DOCK8: variants seen among roughly 807,000 people sequenced by gnomAD.
The protein encoded by DOCK8 is dedicator of cytokinesis 8.
DOCK8 carries 141 observed loss-of-function variants against 245.6 expected under a neutral mutation model. The observed-to-expected ratio is 0.57, with a 90% CI of 0.50 to 0.66. The LOEUF is 0.66. Ranked by LOEUF, DOCK8 falls within the 30% of genes least tolerant of loss-of-function variation. The pLI, the probability that DOCK8 is intolerant of heterozygous loss-of-function variation, is 0.00. For synonymous variants in DOCK8, 1,168 were observed against 970.2 expected (o/e 1.20, Z -3.79); for missense variants, 2,965 against 2,603.4 (o/e 1.14, Z -3.02).
intron 2 of DOCK8, among the ~76,000 whole-genome samples, chr9:277,872 T>A (rs1265925794): frequency 1.3e-5 from 2 of 152,228 alleles, no homozygotes; most frequent in Non-Finnish European, 2.9e-5. Flanking sequence ...AGGCATTTAT[T>A]TTTGTTATGT....
At chr9:304,837 C>A in intron 5 of DOCK8, 133 bp downstream of exon 5, 1 of 1,260,346 alleles carries the variant, frequency 7.9e-7, no homozygotes, top group South Asian at 1.3e-5. Context: ...CCATCTGAGT[C>A]AGTGATTTTT....
rs752479766 is a variant in DOCK8 at position 446,374 on chromosome 9, A to G, written c.5585A>G (p.Tyr1862Cys). 1 of 1,613,840 alleles carries G rather than the reference A, an allele frequency of 6.2e-7. No individual in the cohort carries two copies. The highest frequency in any genetic ancestry group is 1.1e-5 in the South Asian group (1 of 91,056). The change falls in exon 44 of 48, where the codon TAC (tyrosine) becomes TGC (cysteine). Residue 1862 changes from tyrosine (Y) to cysteine (C), a missense_variant. Around this residue, in one of 3 missense-constraint regions of DOCK8, gnomAD observed 2,825 missense variants for 2,453.5 expected, o/e 1.15. Coordinates refer to ENST00000432829, the MANE Select transcript of DOCK8 (RefSeq NM_203447.4). Reference protein sequence around the residue: ...DKTKLDPNKAYIQITFVEPYF... With the variant: ...DKTKLDPNKACIQITFVEPYF... ...TCCGTGCCTTTTCCCCCTTAGGCCTACATACAGATCACTTTTGTGGAGCCC... is the reference window on the plus strand; with the variant it reads ...TCCGTGCCTTTTCCCCCTTAGGCCTGCATACAGATCACTTTTGTGGAGCCC...
chr9:349,979 G>C (rs946447036), intron 14 of DOCK8, among the ~76,000 whole-genome samples: 1 of 152,142 alleles, frequency 6.6e-6, no homozygotes, highest in Non-Finnish European at 1.5e-5. Flanking sequence ...GCTCTTCTGA[G>C]CTTGTTTGTT....
At chr9:363,355 A>G (rs1479686604) in intron 14 of DOCK8, among the ~76,000 whole-genome samples, 1 of 152,166 alleles carries the variant, frequency 6.6e-6, no homozygotes, top group African/African-American at 2.4e-5. Flanking sequence ...AGATAACATG[A>G]TTCTCTGGCC....
chr9:329,154 G>T (rs1253086893), intron 9 of DOCK8, among the ~76,000 whole-genome samples: 1 of 151,926 alleles, frequency 6.6e-6, no homozygotes, highest in Non-Finnish European at 1.5e-5. Flanking sequence ...ATTTCACCAT[G>T]TTGGCCAGGC....
At chr9:214,729 C>G (rs368323470), upstream of DOCK8, 38 of 1,525,014 alleles carry the variant, frequency 2.5e-5, no homozygotes, top group East Asian at 4.5e-4. Flanking sequence ...CGCGCTGGGC[C>G]CACGCCCTCC....
intron 1 of DOCK8, among the ~76,000 whole-genome samples, chr9:219,892 A>T (rs1001005883): frequency 7.9e-5 from 12 of 152,110 alleles, no homozygotes; most frequent in Non-Finnish European, 5.9e-5. Flanking sequence ...GCGAGACTCT[A>T]TTTCAAAAAA....
intron 5 of DOCK8, among the ~76,000 whole-genome samples, chr9:305,429 C>T (rs1426996271): frequency 1.3e-5 from 2 of 151,556 alleles, no homozygotes; most frequent in East Asian, 3.9e-4. Context: ...ACTACAGGCT[C>T]CCGCCACCAC....
Position 405,075 on chromosome 9 carries a change from T to G in DOCK8, c.3390+2T>G. 1 of 1,612,168 alleles carries G rather than the reference T, an allele frequency of 6.2e-7. No individual in the cohort carries two copies. Among genetic ancestry groups the G allele is most frequent in the Non-Finnish European group, 8.5e-7 (1 of 1,178,700 alleles). On this transcript the variant is annotated splice_donor_variant, in intron 27 of 47. Transcript: ENST00000432829. LOFTEE classifies it high-confidence loss of function. ...CCTTGTCCTTCCATATCTTCCCAGG[T>G]AATAAAAGAATTATTTAACTAAAAG... is the stretch of plus-strand genomic sequence containing the variant.
intron 1 of DOCK8, chr9:215,295 A>C (rs2046720924): frequency 6.2e-7 from 1 of 1,606,888 alleles, no homozygotes; most frequent in Non-Finnish European, 8.5e-7. Flanking sequence ...TTCCCCGAAC[A>C]ACCTCGCCCG....
At chr9:404,816 AT>A (rs1261620016) in intron 26 of DOCK8, 101 bp from the exon 27 acceptor site, 1 of 1,263,950 alleles carries the variant, frequency 7.9e-7, no homozygotes, top group African/African-American at 1.5e-5. Context: ...TATTAAATTG[AT>A]TGCCTTAACC....
chr9:325,822 C>A, intron 8 of DOCK8, 85 bp downstream of exon 8: 1 of 1,243,998 alleles, frequency 8.0e-7, no homozygotes, highest in Non-Finnish European at 1.2e-6. Context: ...TTCTTTGCAG[C>A]AAGAACCTAT....
chr9:398,846 G>T (rs1009639852), intron 25 of DOCK8, among the ~76,000 whole-genome samples: 5 of 151,252 alleles, frequency 3.3e-5, no homozygotes, highest in Non-Finnish European at 7.4e-5. Context: ...ATAAAAAAAA[G>T]TAGGATCCAA....
At chr9:439,154 C>A (rs1325959601) in intron 39 of DOCK8, 91 bp from the exon 40 acceptor site, 2 of 1,540,508 alleles carry the variant, frequency 1.3e-6, no homozygotes, top group Non-Finnish European at 9.0e-7. Context: ...GATCTGCACA[C>A]CAGCTTCCTC....
chr9:310,038 C>T (rs1264717169), intron 5 of DOCK8, among the ~76,000 whole-genome samples: 1 of 152,130 alleles, frequency 6.6e-6, no homozygotes, highest in African/African-American at 2.4e-5. Flanking sequence ...GAGGCCAAGA[C>T]AGGTGGATCA....
chr9:356,024 A>C (rs968897745), intron 14 of DOCK8, among the ~76,000 whole-genome samples: 1 of 152,242 alleles, frequency 6.6e-6, no homozygotes, highest in South Asian at 2.1e-4. Flanking sequence ...ATAGGATTCT[A>C]ATAAACCAAC....
chr9:312,475 C>G, intron 6 of DOCK8: 1 of 509,432 alleles, frequency 2.0e-6, no homozygotes. Flanking sequence ...TAATCACACC[C>G]AGCAAGTCAA....
chr9:349,932 A>G (rs372633396), intron 14 of DOCK8, among the ~76,000 whole-genome samples: 2 of 152,072 alleles, frequency 1.3e-5, no homozygotes, highest in South Asian at 2.1e-4. Flanking sequence ...ACTTCATGTA[A>G]TCTGTTTCTT....
chr9:320,171 A>C (rs2050528223), intron 7 of DOCK8, among the ~76,000 whole-genome samples: 1 of 137,000 alleles, frequency 7.3e-6, no homozygotes, highest in African/African-American at 2.8e-5. Flanking sequence ...CTCACGGAAA[A>C]AGCCCAGGTT....
Sources: gnomAD v4.1 joint callset for allele counts (sites outside exome capture counted in the v4.1 genomes callset) on GRCh38, gnomAD v4.1.1 for gene constraint, gnomAD v4.1.1 regional missense constraint, MANE v1.5 for transcripts, NCBI Gene and HGNC (gene_info 2026-07-23, HGNC 2026-07-21) for gene names.